Variants in SNAP91 observed in about 807,000 individuals in gnomAD.
SNAP91 encodes the protein synaptosome associated protein 91, also known as clathrin coat assembly protein AP180.
Under a neutral mutation model 100.3 loss-of-function variants are expected in SNAP91, and 27 were observed. That is an observed-to-expected ratio of 0.27 (90% CI 0.20 to 0.37). The LOEUF is 0.37. Ranked by LOEUF, SNAP91 falls within the 10% of genes least tolerant of loss-of-function variation. SNAP91 has a pLI of 1.00. For synonymous variants in SNAP91, 404 were observed against 398.6 expected, an observed-to-expected ratio of 1.01 and a Z score of -0.16; for missense variants, 986 against 1,123.7, an observed-to-expected ratio of 0.88 and a Z score of 1.75.
At chr6:83,689,808 CATTTT>C (rs978487316) in intron 2 of SNAP91, among the ~76,000 whole-genome samples, 16 of 152,032 alleles carry the variant, frequency 1.1e-4, no homozygotes, top group African/African-American at 3.9e-4. Context: ...TGTTTCCAAA[CATTTT>C]ATTTCTTCAT....
At chr6:83,690,326 T>C in intron 2 of SNAP91, 9 of 1,262,562 alleles carry the variant, frequency 7.1e-6, no homozygotes, top group Non-Finnish European at 8.2e-6. Context: ...AGCACAACTT[T>C]TTAAAAGACT....
At chr6:83,557,027 G>A (rs1214501391) in intron 28 of SNAP91, among the ~76,000 whole-genome samples, 1 of 152,082 alleles carries the variant, frequency 6.6e-6, no homozygotes, top group Admixed American at 6.6e-5. Context: ...AATCATATTG[G>A]ACTTGTTGCA....
chr6:83,580,485 C>A lies in SNAP91; in HGVS notation c.2264G>T (p.Ser755Ile). Residue 755 changes from serine to isoleucine, a missense_variant, in exon 24 of 30, where the codon AGT becomes ATT. Ser to Ile is a moderately radical substitution (Grantham distance 142). Around this residue, in one of 4 missense-constraint regions of SNAP91, gnomAD observed 575 missense variants for 579.9 expected, o/e 0.99. Transcript: ENST00000369694. ...GCTGGCAAGAGATGAATCAAGATCA[C>A]TTCCAAGGGCTTTGCTGGCTGCCAT... ...PAMAASKALG[S>I]DLDSSLASLV... 2 of 1,613,616 alleles carry A rather than the reference C, an allele frequency of 1.2e-6. No homozygotes were observed. Among genetic ancestry groups the A allele is most frequent in the Non-Finnish European group, 8.5e-7 (1 of 1,179,770 alleles).
chr6:83,626,210 T>C (rs2096921291), intron 8 of SNAP91, among the ~76,000 whole-genome samples: 1 of 152,142 alleles, frequency 6.6e-6, no homozygotes, highest in Non-Finnish European at 1.5e-5. Flanking sequence ...TCTGTTCCAC[T>C]GTTCTATGTG....
chr6:83,689,490 T>C (rs913011288), intron 2 of SNAP91: 3 of 151,976 alleles, frequency 2.0e-5, no homozygotes, highest in African/African-American at 7.2e-5. Context: ...ATTTTACTCA[T>C]ACAAAAAAAG....
chr6:83,568,609 G>A (rs1201650019), intron 26 of SNAP91, among the ~76,000 whole-genome samples: 2 of 152,124 alleles, frequency 1.3e-5, no homozygotes, highest in African/African-American at 4.8e-5. Flanking sequence ...AGCAGACGTA[G>A]TTCAATATTC....
chr6:83,627,502 T>G (rs1376187151), intron 8 of SNAP91, among the ~76,000 whole-genome samples: 1 of 151,924 alleles, frequency 6.6e-6, no homozygotes, highest in Non-Finnish European at 1.5e-5. Flanking sequence ...TCTTAGTAGG[T>G]TTTTTTACTA....
chr6:83,559,004 T>C lies in SNAP91; in HGVS notation c.2631+1100A>G, dbSNP rs146801385. 1.6e-3 allele frequency among the ~76,000 whole-genome samples: 244 copies of C among 152,356 alleles called. 2 individuals carry two copies. Among genetic ancestry groups the C allele is most frequent in the African/African-American group, 5.7e-3 (235 of 41,584 alleles). On this transcript the variant is annotated intron_variant, in intron 28 of 29. Coordinates refer to ENST00000369694, the MANE Select transcript of SNAP91 (RefSeq NM_001242792.2). ...TTTGAAGGGTAAGTAGCACAGTGTG[T>C]AGTAAGGAATTTAGCTTTACCTAAA...
At chr6:83,681,082 T>C (rs566122427) in intron 2 of SNAP91, among the ~76,000 whole-genome samples, 36 of 151,928 alleles carry the variant, frequency 2.4e-4, no homozygotes, top group Non-Finnish European at 3.7e-4. Flanking sequence ...AGCATAGGAG[T>C]CCCTAGCTTT....
intron 2 of SNAP91, among the ~76,000 whole-genome samples, chr6:83,667,886 G>A (rs567713372): frequency 1.5e-4 from 23 of 152,006 alleles, no homozygotes; most frequent in Middle Eastern, 3.4e-3. Context: ...CATCAGAGTG[G>A]ACAGGCAACC....
chr6:83,601,703 C>A (rs1290932041), intron 14 of SNAP91, 104 bp from the exon 15 acceptor site: 4 of 1,070,258 alleles, frequency 3.7e-6, no homozygotes, highest in East Asian at 2.4e-5. Flanking sequence ...ACTAAAAAAA[C>A]CTTAGCTTTA....
chr6:83,583,629 T>G (rs1831597395), intron 22 of SNAP91, among the ~76,000 whole-genome samples: 1 of 152,180 alleles, frequency 6.6e-6, no homozygotes, highest in South Asian at 2.1e-4. Flanking sequence ...ATAAAAGAAT[T>G]TATTACTACC....
chr6:83,706,466 G>T (rs1328252428), intron 2 of SNAP91, among the ~76,000 whole-genome samples: 1 of 152,194 alleles, frequency 6.6e-6, no homozygotes, highest in Non-Finnish European at 1.5e-5. Context: ...AATAAATTTA[G>T]TTAAACATTC....
intron 2 of SNAP91, among the ~76,000 whole-genome samples, chr6:83,677,740 T>C (rs1242786369): frequency 6.6e-6 from 1 of 152,242 alleles, no homozygotes; most frequent in East Asian, 1.9e-4. Context: ...ATTGCTTTTA[T>C]ATTTTATCCT....
chr6:83,568,658 T>C (rs115528181), intron 26 of SNAP91, among the ~76,000 whole-genome samples: 2,499 of 152,256 alleles, frequency 0.016, 69 homozygotes, highest in African/African-American at 0.057. Context: ...TTGGGTTCTG[T>C]GATCTGAAAA....
At chr6:83,631,246 A>G (rs2128474417) in intron 8 of SNAP91, among the ~76,000 whole-genome samples, 1 of 152,106 alleles carries the variant, frequency 6.6e-6, no homozygotes, top group Middle Eastern at 3.4e-3. Context: ...ATTGAGGGTC[A>G]TTTTGTGGCC....
rs911273939 is a variant in SNAP91 at position 83,575,997 on chromosome 6, A to C, written c.2330+26T>G. On this transcript the variant is annotated intron_variant, in intron 25 of 29. Coordinates refer to ENST00000369694, the MANE Select transcript of SNAP91 (RefSeq NM_001242792.2). ...TGAATACAAATATACCATCAAAAGG[A>C]AATCACATAATTTCCAAACACTTAC... The C allele has an allele frequency of 3.0e-6, 4 of 1,328,172 alleles. No individual in the cohort carries two copies. In the East Asian group the frequency reaches 7.8e-5, roughly 26 times the overall value. 82.3% of individuals were successfully genotyped at this position (1,328,172 alleles called of 1,614,324 possible). A position where few individuals can be genotyped will look rare whatever the true frequency, so the allele number is the denominator to read the frequency against.
At position 83,623,938 on chromosome 6, in the gene SNAP91, A is replaced by G. The variant is rs536078720; in HGVS notation, c.766-596T>C. On this transcript the variant is annotated intron_variant, in intron 8 of 29. Transcript: ENST00000369694. ...ATATCTTAGACATATATCCATATCAACACACAGAATATCCTCATTTAATAA... is the reference window on the plus strand; with the variant it reads ...ATATCTTAGACATATATCCATATCAGCACACAGAATATCCTCATTTAATAA... Among the ~76,000 whole-genome samples the G allele has an allele frequency of 1.4e-3, 211 of 152,226 alleles. 1 individual carries two copies. The highest frequency in any genetic ancestry group is 4.6e-4 in the Non-Finnish European group (31 of 67,976).
chr6:83,584,200 A>G (rs1832469942), intron 22 of SNAP91, among the ~76,000 whole-genome samples: 1 of 152,168 alleles, frequency 6.6e-6, no homozygotes. Flanking sequence ...CAACTGTTCT[A>G]TGTTGTGATT....
Sources: gnomAD v4.1 joint callset for allele counts (sites outside exome capture counted in the v4.1 genomes callset) on GRCh38, gnomAD v4.1.1 for gene constraint, gnomAD v4.1.1 regional missense constraint, MANE v1.5 for transcripts, NCBI Gene and HGNC (gene_info 2026-07-23, HGNC 2026-07-21) for gene names.